CCDC9: variants seen among roughly 807,000 people sequenced by gnomAD.
CCDC9 encodes coiled-coil domain-containing protein 9.
CCDC9 carries 52 observed loss-of-function variants against 65.6 expected under a neutral mutation model. The observed-to-expected ratio is 0.79, with a 90% confidence interval of 0.63 to 1.00. The LOEUF (loss-of-function observed/expected upper bound fraction) is 1.00, where lower values mean the gene tolerates loss of function less well. Ranked by LOEUF, CCDC9 falls within the 50% of genes least tolerant of loss-of-function variation. The probability of loss-of-function intolerance (pLI) is 0.00; values close to 1 mark genes in which losing one functional copy is unlikely to be tolerated. For synonymous variants in CCDC9, 332 were observed against 280.3 expected, an observed-to-expected ratio of 1.18 and a Z score of -1.84; for missense variants, 834 against 757.2, an observed-to-expected ratio of 1.10 and a Z score of -1.19.
chr19:47,265,037 T>C, intron 7 of CCDC9, 91 bp downstream of exon 7: 1 of 1,137,570 alleles, frequency 8.8e-7, no homozygotes, highest in South Asian at 3.2e-5. Context: ...CCATGGGGCC[T>C]CTCCTTTTTT....
At chr19:47,267,367 C>T (rs1449347310) in intron 8 of CCDC9, among the ~76,000 whole-genome samples, 1 of 152,168 alleles carries the variant, frequency 6.6e-6, no homozygotes, top group Non-Finnish European at 1.5e-5. Context: ...CAACCTCCGC[C>T]TCCCGTGTTC....
downstream of CCDC9, chr19:47,275,714 G>A: frequency 3.7e-6 from 1 of 272,584 alleles, no homozygotes; most frequent in Non-Finnish European, 7.4e-6. Context: ...TGTCTGTCCT[G>A]TTGTCTGCAG....
downstream of CCDC9, chr19:47,273,271 C>T (rs913468300): frequency 1.4e-5 from 11 of 780,868 alleles, no homozygotes; most frequent in Middle Eastern, 4.3e-4. Context: ...GGATGAGAGA[C>T]GTGGCTAGAC....
chr19:47,262,592 G>C (rs2059053325), intron 5 of CCDC9, among the ~76,000 whole-genome samples: 1 of 152,148 alleles, frequency 6.6e-6, no homozygotes, highest in South Asian at 2.1e-4. Flanking sequence ...TGCCGACATG[G>C]TTGCGGTTCA....
chr19:47,268,530 T>G (rs1010786786), intron 8 of CCDC9, among the ~76,000 whole-genome samples: 7 of 152,190 alleles, frequency 4.6e-5, no homozygotes, highest in African/African-American at 1.7e-4. Context: ...AGGAGGCAGC[T>G]GGGCTTTTGG....
Position 47,271,262 on chromosome 19 carries a change from G to C in CCDC9, c.1192-12G>C. ...ACCTGTGCCTTGCCCTGACTTGCCTGTGTCCCCAAAGCCACCCGAGATCCC... is the reference window on the plus strand; with the variant it reads ...ACCTGTGCCTTGCCCTGACTTGCCTCTGTCCCCAAAGCCACCCGAGATCCC... On this transcript the variant is annotated splice_polypyrimidine_tract_variant and intron_variant, in intron 11 of 11. Transcript: ENST00000221922. 6.2e-7 allele frequency: 1 copy of C among 1,611,776 alleles called. No homozygotes were observed. Among genetic ancestry groups the C allele is most frequent in the Non-Finnish European group, 8.5e-7 (1 of 1,178,732 alleles).
downstream of CCDC9, chr19:47,275,417 G>T: frequency 6.7e-7 from 1 of 1,487,304 alleles, no homozygotes; most frequent in Non-Finnish European, 9.0e-7. Context: ...AGGATGCACC[G>T]TCTCTGGATT....
At chr19:47,274,016 G>A (rs2059140900), downstream of CCDC9, 2 of 978,322 alleles carry the variant, frequency 2.0e-6, no homozygotes, top group South Asian at 4.7e-5. Flanking sequence ...AAGCTTCCCC[G>A]CCTTGATGGG....
At chr19:47,264,004 G>A (rs1308000481) in intron 5 of CCDC9, among the ~76,000 whole-genome samples, 3 of 150,516 alleles carry the variant, frequency 2.0e-5, no homozygotes, top group Admixed American at 6.6e-5. Flanking sequence ...TCAGCCTCCC[G>A]AGCAGCTGGG....
Position 47,271,615 on chromosome 19 carries a change from C to T in CCDC9, c.1533C>T (p.Pro511=). 6.2e-7 allele frequency: 1 copy of T among 1,611,062 alleles called. No individual in the cohort carries two copies. Among genetic ancestry groups the T allele is most frequent in the South Asian group, 1.1e-5 (1 of 90,986 alleles). The change falls in exon 12 of 12, where the codon CCC becomes CCT. Residue 511 remains proline (P), a synonymous_variant. Transcript: ENST00000221922. ...GTGAAGAGGTGGAGCTGAATTCTCC[C>T]CGGACCACTCACCTGGCTGGCGCCC... is the stretch of plus-strand genomic sequence containing the variant. ...DWGEEVELNS[P]RTTHLAGALS...
chr19:47,268,014 AT>A (rs2059093835), intron 8 of CCDC9, among the ~76,000 whole-genome samples: 1 of 151,922 alleles, frequency 6.6e-6, no homozygotes, highest in Admixed American at 6.6e-5. Flanking sequence ...CATCCAGCTA[AT>A]TTTTTGTAAT....
At chr19:47,257,800 G>C (rs1473335146) in intron 1 of CCDC9, 1 of 157,826 alleles carries the variant, frequency 6.3e-6, no homozygotes. Context: ...GCCAATAAGA[G>C]TGGGGTTCGG....
intron 7 of CCDC9, among the ~76,000 whole-genome samples, chr19:47,265,429 A>G (rs192056895): frequency 3.3e-5 from 5 of 152,126 alleles, no homozygotes; most frequent in African/African-American, 1.2e-4. Flanking sequence ...TGTTAATGAC[A>G]CCAGCATTTA....
At chr19:47,260,561 G>GT (rs2059038201) in intron 4 of CCDC9, 27 bp from the exon 5 acceptor site, 1 of 1,543,184 alleles carries the variant, frequency 6.5e-7, no homozygotes, top group Non-Finnish European at 8.7e-7. Flanking sequence ...CCCAGTGACT[G>GT]TATTTTCCCC....
chr19:47,275,233 C>A (rs1422501855), downstream of CCDC9: 1 of 1,534,896 alleles, frequency 6.5e-7, no homozygotes, highest in African/African-American at 1.4e-5. Context: ...GGGCCGCGAC[C>A]CCAGCTCCAG....
chr19:47,266,853 GT>G, intron 8 of CCDC9, 61 bp downstream of exon 8: 1 of 1,536,192 alleles, frequency 6.5e-7, no homozygotes, highest in Non-Finnish European at 8.8e-7. Flanking sequence ...TGACTTCTAA[GT>G]CCTATGCCTC....
chr19:47,275,023 C>G, downstream of CCDC9: 2 of 1,487,370 alleles, frequency 1.3e-6, no homozygotes, highest in Non-Finnish European at 1.8e-6. Flanking sequence ...CCGGTATGCG[C>G]CTACTTCCTC....
chr19:47,273,178 C>G (rs981831243), downstream of CCDC9, among the ~76,000 whole-genome samples: 7 of 152,082 alleles, frequency 4.6e-5, no homozygotes, highest in African/African-American at 1.7e-4. Flanking sequence ...GGAGTGTTTG[C>G]TGCTGCGTGG....
chr19:47,270,363 C>T (rs1455138432), intron 8 of CCDC9, 44 bp from the exon 9 acceptor site: 3 of 1,600,508 alleles, frequency 1.9e-6, no homozygotes, highest in East Asian at 2.2e-5. Flanking sequence ...CCTCTTGTTA[C>T]CCTGTTCCCC....
Sources: gnomAD v4.1 joint callset for allele counts (sites outside exome capture counted in the v4.1 genomes callset) on GRCh38, gnomAD v4.1.1 for gene constraint, MANE v1.5 for transcripts, NCBI Gene and HGNC (gene_info 2026-07-23, HGNC 2026-07-21) for gene names.